FRMD4A: variants seen among roughly 807,000 people sequenced by gnomAD.
FRMD4A encodes FERM domain-containing protein 4A.
A neutral mutation model predicts 129.1 loss-of-function variants in FRMD4A; 29 were observed. That is an observed-to-expected ratio of 0.22 (90% CI 0.17 to 0.31). FRMD4A has a LOEUF of 0.31. Ranked by LOEUF, FRMD4A falls within the 10% of genes least tolerant of loss-of-function variation. FRMD4A has a pLI of 1.00. For missense variants in FRMD4A, 1,272 were observed against 1,375.8 expected (o/e 0.92, Z 1.19); for synonymous variants, 634 against 571.6 (o/e 1.11, Z -1.56).
chr10:13,950,061 G>A (rs931505542), intron 2 of FRMD4A, among the ~76,000 whole-genome samples: 1 of 152,202 alleles, frequency 6.6e-6, no homozygotes, highest in African/African-American at 2.4e-5. Context: ...TCTTTGCTGG[G>A]GAAGGAGTCT....
intron 2 of FRMD4A, among the ~76,000 whole-genome samples, chr10:14,020,958 C>A (rs1194822238): frequency 6.6e-6 from 1 of 152,142 alleles, no homozygotes; most frequent in African/African-American, 2.4e-5. Context: ...AACTGACCTA[C>A]CATGTGCCTC....
chr10:14,072,049 A>G lies in FRMD4A; in HGVS notation c.46-213137T>C, dbSNP rs1835343287. 1.3e-5 allele frequency among the ~76,000 whole-genome samples: 2 copies of G among 152,232 alleles called. 1 individual carries two copies. Among genetic ancestry groups the G allele is most frequent in the South Asian group, 4.1e-4 (2 of 4,834 alleles). On this transcript the variant is annotated intron_variant, in intron 2 of 24. Transcript: ENST00000357447. ...ATACCTAAAATTCCACCTATTAGAC[A>G]TTGATTTATGTTAACAACTTCCTTC...
chr10:13,851,156 G>A (rs1012542729), intron 3 of FRMD4A, among the ~76,000 whole-genome samples: 29 of 152,198 alleles, frequency 1.9e-4, no homozygotes, highest in African/African-American at 6.8e-4. Context: ...AGAGGTTGCC[G>A]TGAGCAGAGA....
intron 6 of FRMD4A, among the ~76,000 whole-genome samples, chr10:13,779,186 T>G (rs1429859970): frequency 1.3e-5 from 2 of 152,028 alleles, no homozygotes; most frequent in Non-Finnish European, 2.9e-5. Flanking sequence ...GTGTGATGGC[T>G]GGTGCCTATA....
intron 6 of FRMD4A, among the ~76,000 whole-genome samples, chr10:13,774,950 G>GA (rs60193088): frequency 0.26 from 32,779 of 126,854 alleles, 3,747 homozygotes; most frequent in East Asian, 0.43. Context: ...AGAAATTTAA[G>GA]AAAAAAAAAA....
chr10:14,268,607 GT>G (rs1177344568), intron 2 of FRMD4A, among the ~76,000 whole-genome samples: 2 of 152,210 alleles, frequency 1.3e-5, no homozygotes, highest in African/African-American at 4.8e-5. Flanking sequence ...CAACAAACTA[GT>G]GAAGATTAAC....
intron 8 of FRMD4A, among the ~76,000 whole-genome samples, chr10:13,756,644 C>T (rs1279434993): frequency 6.6e-6 from 1 of 151,990 alleles, no homozygotes; most frequent in African/African-American, 2.4e-5. Context: ...GGATTAAAGA[C>T]GTGAGCCACC....
chr10:14,221,408 A>T (rs1843255536), intron 2 of FRMD4A, among the ~76,000 whole-genome samples: 1 of 152,176 alleles, frequency 6.6e-6, no homozygotes, highest in Admixed American at 6.5e-5. Flanking sequence ...TCAGCTCAGG[A>T]GTTATACCAA....
At chr10:14,047,423 T>G (rs1834035910) in intron 2 of FRMD4A, among the ~76,000 whole-genome samples, 1 of 151,956 alleles carries the variant, frequency 6.6e-6, no homozygotes, top group African/African-American at 2.4e-5. Flanking sequence ...TACTGGTATG[T>G]GATCCACACA....
In FRMD4A at chr10:14,103,946, C is replaced by T. The variant is rs974656942; in HGVS notation, c.45+226112G>A. 8.5e-5 allele frequency among the ~76,000 whole-genome samples: 13 copies of T among 152,296 alleles called. No homozygotes were observed. The South Asian group carries it at 1.7e-3, about 19-fold the overall frequency. ...AGCTAAAAGAATTACGTACCGTCAG[C>T]GATTCCTACTAAGCTGAAGTCAACC... On this transcript the variant is annotated intron_variant, in intron 2 of 24. Coordinates refer to ENST00000357447, the MANE Select transcript of FRMD4A (RefSeq NM_018027.5).
At chr10:14,156,750 A>G (rs1840622015) in intron 2 of FRMD4A, among the ~76,000 whole-genome samples, 1 of 152,180 alleles carries the variant, frequency 6.6e-6, no homozygotes, top group South Asian at 2.1e-4. Context: ...CTTTAATGGG[A>G]ACCTTAGACG....
intron 2 of FRMD4A, among the ~76,000 whole-genome samples, chr10:14,203,295 C>T (rs539244598): frequency 1.3e-5 from 2 of 152,306 alleles, no homozygotes; most frequent in East Asian, 3.9e-4. Context: ...ACTACAACGT[C>T]GTTTCCCCAT....
chr10:14,046,470 T>A (rs914570224), intron 2 of FRMD4A, among the ~76,000 whole-genome samples: 1 of 152,198 alleles, frequency 6.6e-6, no homozygotes, highest in South Asian at 2.1e-4. Context: ...GTTCCACAAC[T>A]AATATTTTGA....
chr10:13,811,587 G>T, intron 3 of FRMD4A, among the ~76,000 whole-genome samples: 1 of 142,600 alleles, frequency 7.0e-6, no homozygotes, highest in South Asian at 2.5e-4. Context: ...AAAAAAAAAA[G>T]ATATCTGCCA....
At chr10:13,687,960 A>G (rs1286102516) in intron 15 of FRMD4A, among the ~76,000 whole-genome samples, 1 of 152,170 alleles carries the variant, frequency 6.6e-6, no homozygotes, top group Non-Finnish European at 1.5e-5. Flanking sequence ...ACTTAAATAC[A>G]GGTCTACGGG....
intron 6 of FRMD4A, among the ~76,000 whole-genome samples, chr10:13,772,209 AT>A (rs1450524170): frequency 7.0e-6 from 1 of 142,862 alleles, no homozygotes; most frequent in Non-Finnish European, 1.5e-5. Context: ...ATAAATATTT[AT>A]TTATTATTAT....
Position 13,660,471 on chromosome 10 carries a change from C to G in FRMD4A, c.1743G>C (p.Arg581Ser). ...GLPPRPPSHN[R>S]PPPPQSLEGL... ...CCTCCAGGGACTGGGGAGGAGGAGG[C>G]CTGTTGTGCGACGGTGGCCGAGGAG... The change falls in exon 20 of 25, where the codon AGG becomes AGC. Residue 581 changes from arginine to serine, a missense_variant. Physicochemically the swap from Arg to Ser is moderately radical, Grantham distance 110 (BLOSUM62 -1). Transcript: ENST00000357447. 2 of 1,613,946 alleles carry G rather than the reference C, an allele frequency of 1.2e-6. No individual in the cohort carries two copies. Among genetic ancestry groups the G allele is most frequent in the East Asian group, 2.2e-5 (1 of 44,874 alleles).
At chr10:13,978,957 T>G (rs992484298) in intron 2 of FRMD4A, among the ~76,000 whole-genome samples, 2 of 152,114 alleles carry the variant, frequency 1.3e-5, no homozygotes, top group East Asian at 3.9e-4. Flanking sequence ...ATAAAAGTGA[T>G]GTCATCTATC....
At chr10:14,273,077 C>A (rs962510951) in intron 2 of FRMD4A, among the ~76,000 whole-genome samples, 1 of 151,558 alleles carries the variant, frequency 6.6e-6, no homozygotes, top group Non-Finnish European at 1.5e-5. Flanking sequence ...CACACACACA[C>A]ACACACACAC....
Sources: allele counts gnomAD v4.1 joint callset (sites outside exome capture counted in the v4.1 genomes callset), GRCh38; gene constraint gnomAD v4.1.1; transcripts MANE v1.5; gene names NCBI Gene and HGNC (gene_info 2026-07-23, HGNC 2026-07-21).